MAP3K3: variants seen among roughly 807,000 people sequenced by gnomAD.
MAP3K3 encodes the protein MAP/ERK kinase kinase 3.
A neutral mutation model predicts 80.9 loss-of-function variants in MAP3K3; 12 were observed. That is an observed-to-expected ratio of 0.15 (90% CI 0.10 to 0.24). MAP3K3 has a LOEUF of 0.24. Among genes scored for constraint, MAP3K3 ranks in the 10% least tolerant of loss-of-function variants. The pLI, the probability that MAP3K3 is intolerant of heterozygous loss-of-function variation, is 1.00. For synonymous variants in MAP3K3, 272 were observed against 307.1 expected, an observed-to-expected ratio of 0.89 and a Z score of 1.19; for missense variants, 596 against 834.7, an observed-to-expected ratio of 0.71 and a Z score of 3.52.
chr17:63,674,229 G>A (rs1031614301), intron 6 of MAP3K3, among the ~76,000 whole-genome samples: 4 of 152,098 alleles, frequency 2.6e-5, no homozygotes, highest in African/African-American at 9.7e-5. Flanking sequence ...ATACTCCAAC[G>A]CCTGAGTGGA....
At chr17:63,626,895 G>A (rs2034113864) in intron 1 of MAP3K3, among the ~76,000 whole-genome samples, 1 of 152,230 alleles carries the variant, frequency 6.6e-6, no homozygotes, top group Admixed American at 6.5e-5. Context: ...TTACTTTGGG[G>A]ATTGTATCTA....
intron 2 of MAP3K3, among the ~76,000 whole-genome samples, chr17:63,637,951 A>G (rs184644624): frequency 6.6e-6 from 1 of 152,338 alleles, no homozygotes; most frequent in Non-Finnish European, 1.5e-5. Context: ...TATCATTTCT[A>G]GAGGAAGAGA....
chr17:63,684,124 A>G (rs2035398056), intron 7 of MAP3K3, among the ~76,000 whole-genome samples: 1 of 152,216 alleles, frequency 6.6e-6, no homozygotes, highest in Non-Finnish European at 1.5e-5. Context: ...AGGTGACAGA[A>G]TGAGACCCTG....
At chr17:63,642,994 G>T (rs568134392) in intron 2 of MAP3K3, among the ~76,000 whole-genome samples, 1 of 151,234 alleles carries the variant, frequency 6.6e-6, no homozygotes, top group Non-Finnish European at 1.5e-5. Context: ...CTGGGCTCAA[G>T]CAATCCTCAA....
At chr17:63,635,679 T>C (rs2143204676) in intron 2 of MAP3K3, among the ~76,000 whole-genome samples, 1 of 152,322 alleles carries the variant, frequency 6.6e-6, no homozygotes, top group South Asian at 2.1e-4. Flanking sequence ...TTAATAATCA[T>C]TTAACATCGG....
chr17:63,646,570 TA>T (rs1299432281), intron 3 of MAP3K3, among the ~76,000 whole-genome samples: 1 of 152,230 alleles, frequency 6.6e-6, no homozygotes, highest in Non-Finnish European at 1.5e-5. Context: ...CCATCAGTTG[TA>T]AAAGACTTTA....
Position 63,693,984 on chromosome 17 carries a change from T to C in MAP3K3, c.*207T>C, listed in dbSNP as rs145320176. On this transcript the variant is annotated 3_prime_UTR_variant, in exon 16 of 16. Transcript: ENST00000361733. The surrounding 1 kb of genome is among the most constrained non-coding windows in gnomAD (Gnocchi z 4.2). Reference sequence around the variant, plus strand: ...CTCAGGACTGGGAGCCCCCAGCCTGTCAGATCCAGGAGCTCCAGTGTCCTG... The same window carrying C: ...CTCAGGACTGGGAGCCCCCAGCCTGCCAGATCCAGGAGCTCCAGTGTCCTG... The C allele has an allele frequency of 1.3e-3, 683 of 529,062 alleles. 9 individuals carry two copies. The East Asian group carries it at 0.022, about 17-fold the overall frequency. The allele number at this position is 529,062 out of a possible 1,614,324, so 32.8% of individuals were successfully genotyped here.
intron 5 of MAP3K3, among the ~76,000 whole-genome samples, chr17:63,662,483 C>G (rs954119190): frequency 2.0e-5 from 3 of 151,912 alleles, no homozygotes; most frequent in Non-Finnish European, 2.9e-5. Context: ...ATTTTTACAA[C>G]TCTGAGGGTA....
intron 4 of MAP3K3, among the ~76,000 whole-genome samples, chr17:63,654,645 A>G (rs904651769): frequency 6.6e-6 from 1 of 152,214 alleles, no homozygotes; most frequent in African/African-American, 2.4e-5. Context: ...GATTTTCTAT[A>G]ATGGTTGCAC....
chr17:63,695,607 C>T lies in MAP3K3; in HGVS notation c.*1830C>T, dbSNP rs1182525673. The T allele has an allele frequency of 6.5e-6, 1 of 152,676 alleles. No individual in the cohort carries two copies. Among genetic ancestry groups the T allele is most frequent in the East Asian group, 1.9e-4 (1 of 5,182 alleles). The allele number at this position is 152,676 out of a possible 1,614,324, so 9.5% of individuals were successfully genotyped here. A position where few individuals can be genotyped will look rare whatever the true frequency, so the allele number is the denominator to read the frequency against. Reference sequence around the variant, plus strand: ...CCAAAGCTGCTGTGTGGCAGCTCGGCCTCTCTACGACCCCATCTTGGTGGC... The same window carrying T: ...CCAAAGCTGCTGTGTGGCAGCTCGGTCTCTCTACGACCCCATCTTGGTGGC... On this transcript the variant is annotated 3_prime_UTR_variant, in exon 16 of 16. Coordinates refer to ENST00000361733, the MANE Select transcript of MAP3K3 (RefSeq NM_002401.5). The surrounding 1 kb of genome is among the most constrained non-coding windows in gnomAD (Gnocchi z 4.1).
At position 63,685,607 on chromosome 17, in the gene MAP3K3, G is replaced by T; in HGVS notation, c.710+17G>T. 1 of 1,611,464 alleles carries T rather than the reference G, an allele frequency of 6.2e-7. No individual in the cohort carries two copies. The highest frequency in any genetic ancestry group is 1.1e-5 in the South Asian group (1 of 91,038). Reference sequence around the variant, plus strand: ...AGCAGACAGGTATGGGACTGTGGGTGGTTTGGAGGGTAATGCATAGGCATT... The same window carrying T: ...AGCAGACAGGTATGGGACTGTGGGTTGTTTGGAGGGTAATGCATAGGCATT... On this transcript the variant is annotated intron_variant, in intron 8 of 15. Transcript: ENST00000361733.
chr17:63,687,004 G>A (rs2035464161), intron 8 of MAP3K3, among the ~76,000 whole-genome samples: 1 of 152,132 alleles, frequency 6.6e-6, no homozygotes, highest in African/African-American at 2.4e-5. Context: ...GGATGGTGAT[G>A]ATTAAGGTGA....
At chr17:63,658,038 C>T (rs908853137) in intron 5 of MAP3K3, 131 bp downstream of exon 5, 2 of 444,572 alleles carry the variant, frequency 4.5e-6, no homozygotes, top group East Asian at 3.4e-5. Context: ...CACAGCACAG[C>T]CCACTTGTCA....
chr17:63,658,896 G>A (rs1330402914), intron 5 of MAP3K3, among the ~76,000 whole-genome samples: 1 of 151,998 alleles, frequency 6.6e-6, no homozygotes, highest in Admixed American at 6.6e-5. Flanking sequence ...CACCATGCCT[G>A]GCTAATTTTT....
Position 63,676,249 on chromosome 17 carries a change from T to G in MAP3K3, c.503-5517T>G, listed in dbSNP as rs933784199. On this transcript the variant is annotated intron_variant, in intron 6 of 15. Transcript: ENST00000361733. Reference sequence around the variant, plus strand: ...AAAAGCTCAGAAAACCTTTGCTATTTTTCCCCCCAGACCCTCCTGGGTCTG... The same window carrying G: ...AAAAGCTCAGAAAACCTTTGCTATTGTTCCCCCCAGACCCTCCTGGGTCTG... Among the ~76,000 whole-genome samples the G allele has an allele frequency of 2.0e-5, 3 of 152,216 alleles. No individual in the cohort carries two copies. In the East Asian group the frequency reaches 5.8e-4, roughly 29 times the overall value.
chr17:63,664,277 T>C (rs986257493), intron 5 of MAP3K3, among the ~76,000 whole-genome samples: 1 of 148,850 alleles, frequency 6.7e-6, no homozygotes, highest in African/African-American at 2.5e-5. Context: ...AAAAGGGCTT[T>C]AATAAATTCA....
chr17:63,689,624 A>C lies in MAP3K3; in HGVS notation c.952A>C (p.Asn318His). Residue 318 changes from asparagine to histidine, a missense_variant, in exon 11 of 16, where the codon AAT becomes CAT. By Grantham distance (68) the Asn-to-His change is moderately conservative (BLOSUM62 1). This residue lies in a region of MAP3K3 where 364 missense variants were observed against 588.9 expected (regional missense o/e 0.62). Transcript: ENST00000361733. The surrounding 1 kb of genome is among the most constrained non-coding windows in gnomAD (Gnocchi z 4.3). ...GCCCTCCAGCCGCTCCCTGAGCACA[A>C]ATGGCGAGAACATGGGTCTGGCTGT... ...LVPSSRSLST[N>H]GENMGLAVQY... is the part of the protein sequence containing the mutation. 6.2e-7 allele frequency: 1 copy of C among 1,614,060 alleles called. No homozygotes were observed. The highest frequency in any genetic ancestry group is 8.5e-7 in the Non-Finnish European group (1 of 1,179,986).
At chr17:63,666,572 A>G (rs562579311) in intron 5 of MAP3K3, among the ~76,000 whole-genome samples, 2 of 152,310 alleles carry the variant, frequency 1.3e-5, no homozygotes, top group South Asian at 2.1e-4. Flanking sequence ...CTCTGCAGAA[A>G]TAATTTTCTG....
rs544465033 is a variant in MAP3K3 at position 63,694,655 on chromosome 17, C to T, written c.*878C>T. On this transcript the variant is annotated 3_prime_UTR_variant, in exon 16 of 16. Transcript: ENST00000361733. ...TGCGCTCCTGGCCCAGCCTTTGTTC[C>T]CCACTGGAGCAGAAGGGGAGATGGA... 6.5e-6 allele frequency: 1 copy of T among 152,810 alleles called. No homozygotes were observed. Among genetic ancestry groups the T allele is most frequent in the East Asian group, 1.9e-4 (1 of 5,186 alleles). 9.5% of individuals were successfully genotyped at this position (152,810 alleles called of 1,614,324 possible). A position where few individuals can be genotyped will look rare whatever the true frequency, so the allele number is the denominator to read the frequency against.
Sources: allele counts gnomAD v4.1 joint callset (sites outside exome capture counted in the v4.1 genomes callset), GRCh38; gene constraint gnomAD v4.1.1; regional missense constraint gnomAD v4.1.1; non-coding constraint Gnocchi (gnomAD v3.1); transcripts MANE v1.5; gene names NCBI Gene and HGNC (gene_info 2026-07-23, HGNC 2026-07-21).